The following KLF8 variants were observed in gnomAD, a reference collection of about 807,000 sequenced individuals.
KLF8 encodes Krueppel-like factor 8.
KLF8 carries 10 observed loss-of-function variants against 18.2 expected under a neutral mutation model. The ratio of observed to expected loss-of-function variants is 0.55; its 90% CI spans 0.34 to 0.93. The LOEUF is 0.93. Ranked by LOEUF, KLF8 falls within the 40% of genes least tolerant of loss-of-function variation. The probability of loss-of-function intolerance (pLI) is 0.02; values close to 1 mark genes in which losing one functional copy is unlikely to be tolerated. For missense variants in KLF8, 264 were observed against 277.9 expected, an observed-to-expected ratio of 0.95 and a Z score of 0.36; for synonymous variants, 109 against 97.3, an observed-to-expected ratio of 1.12 and a Z score of -0.71.
At chrX:56,183,637 C>G in the KLF8 span, among the ~76,000 whole-genome samples, 1 of 110,371 alleles carries the variant, frequency 9.1e-6, no homozygotes, top group Non-Finnish European at 1.9e-5. Context: ...ATGGTAACCT[C>G]AAGTAAAAAA....
At chrX:55,959,251 C>G in the KLF8 span, among the ~76,000 whole-genome samples, 5,188 of 111,729 alleles carry the variant, frequency 0.046, 294 homozygotes, top group African/African-American at 0.16. Context: ...GAAGAATATA[C>G]AAATAAAAAG....
At chrX:56,020,080 G>T in the KLF8 span, among the ~76,000 whole-genome samples, 2 of 111,996 alleles carry the variant, frequency 1.8e-5, no homozygotes, top group South Asian at 7.4e-4. Flanking sequence ...ATAAAAGTTA[G>T]GTGGAAGGCA....
chrX:56,153,654 A>T, the KLF8 span, among the ~76,000 whole-genome samples: 3 of 111,357 alleles, frequency 2.7e-5, no homozygotes, highest in East Asian at 2.8e-4. Flanking sequence ...CTGTTTGCAG[A>T]TGACATGATT....
chrX:56,265,223 A>T lies in KLF8; in HGVS notation c.125A>T (p.Tyr42Phe). ...AACAGAGATCCCCCTGAGATAGAAT[A>T]CAGAAGTAATATGACTTCTCCAACA... ...VRNRDPPEIE[Y>F]RSNMTSPTLL... Residue 42 changes from tyrosine (Y) to phenylalanine (F), a missense_variant, in exon 3 of 6, where the codon TAC (tyrosine) becomes TTC (phenylalanine). This residue lies in a region of KLF8 where 221 missense variants were observed against 193.6 expected (regional missense o/e 1.14). Transcript: ENST00000468660. The T allele has an allele frequency of 2.5e-6, 3 of 1,207,834 alleles. No individual in the cohort carries two copies. The highest frequency in any genetic ancestry group is 3.4e-6 in the Non-Finnish European group (3 of 892,471).
At chrX:56,041,667 T>TTTG in the KLF8 span, among the ~76,000 whole-genome samples, 4,706 of 96,413 alleles carry the variant, frequency 0.049, 256 homozygotes, top group African/African-American at 0.18. Context: ...TCTCTCTAGT[T>TTTG]TTGTTGTTGT....
At chrX:55,933,503 A>G in the KLF8 span, among the ~76,000 whole-genome samples, 22 of 112,562 alleles carry the variant, frequency 2.0e-4, no homozygotes, top group African/African-American at 6.4e-4. Flanking sequence ...TTATTAAACA[A>G]CCAGTTTAAG....
chrX:56,087,083 G>A, the KLF8 span, among the ~76,000 whole-genome samples: 15 of 111,293 alleles, frequency 1.3e-4, no homozygotes, highest in African/African-American at 4.9e-4. Flanking sequence ...ATTAAGTAGA[G>A]GCCTCTATTA....
At chrX:56,279,067 C>T (rs530544903) in intron 5 of KLF8, among the ~76,000 whole-genome samples, 1 of 111,958 alleles carries the variant, frequency 8.9e-6, no homozygotes, top group Non-Finnish European at 1.9e-5. Context: ...TGATTCAAGA[C>T]TCTTTCCTAT....
At chrX:55,960,391 C>T in the KLF8 span, among the ~76,000 whole-genome samples, 1 of 111,191 alleles carries the variant, frequency 9.0e-6, no homozygotes, top group Non-Finnish European at 1.9e-5. Context: ...TGGTGCACGC[C>T]TATAATCTCA....
chrX:56,032,781 T>C, the KLF8 span, among the ~76,000 whole-genome samples: 1 of 112,123 alleles, frequency 8.9e-6, no homozygotes, highest in Admixed American at 9.5e-5. Flanking sequence ...AATAAAGCTG[T>C]TTTAAACATT....
the KLF8 span, among the ~76,000 whole-genome samples, chrX:55,944,236 T>G: frequency 6.4e-5 from 7 of 109,045 alleles, no homozygotes; most frequent in East Asian, 2.0e-3. Context: ...GGTTTGCCAG[T>G]ATTTTATTGA....
At chrX:56,056,158 G>C in the KLF8 span, among the ~76,000 whole-genome samples, 5 of 111,554 alleles carry the variant, frequency 4.5e-5, no homozygotes, top group African/African-American at 1.6e-4. Context: ...AGTTGTCAGG[G>C]TTCTTGTGTT....
the KLF8 span, among the ~76,000 whole-genome samples, chrX:56,196,065 A>G: frequency 8.9e-6 from 1 of 111,856 alleles, no homozygotes; most frequent in Non-Finnish European, 1.9e-5. Flanking sequence ...ACTGCCTTCA[A>G]GAGTTCCTAA....
the KLF8 span, among the ~76,000 whole-genome samples, chrX:56,147,370 GC>G: frequency 5.4e-5 from 6 of 111,738 alleles, no homozygotes; most frequent in African/African-American, 1.9e-4. Flanking sequence ...CTTAAAAGGG[GC>G]TTTTAACTCT....
chrX:56,064,477 T>A, the KLF8 span, among the ~76,000 whole-genome samples: 27 of 110,903 alleles, frequency 2.4e-4, no homozygotes, highest in African/African-American at 8.2e-4. Flanking sequence ...TGCCAGTCAA[T>A]ATCTTTTAAG....
At chrX:56,037,322 T>C in the KLF8 span, among the ~76,000 whole-genome samples, 1 of 111,426 alleles carries the variant, frequency 9.0e-6, no homozygotes, top group South Asian at 3.7e-4. Context: ...TTTACTAATA[T>C]TTTGTTCAGG....
chrX:56,270,381 C>CACACGAGAGAGA, intron 5 of KLF8, 60 bp downstream of exon 5: 1 of 779,217 alleles, frequency 1.3e-6, no homozygotes, highest in African/African-American at 5.5e-5. Flanking sequence ...CACACACACA[C>CACACGAGAGAGA]GAGAGAGAGA....
intron 2 of KLF8, among the ~76,000 whole-genome samples, chrX:56,252,035 T>G (rs2066722446): frequency 9.0e-6 from 1 of 111,110 alleles, no homozygotes; most frequent in Admixed American, 9.6e-5. Flanking sequence ...GTTTTTGAGA[T>G]GGAGTCTCTC....
the KLF8 span, among the ~76,000 whole-genome samples, chrX:55,937,391 G>T: frequency 9.0e-6 from 1 of 111,530 alleles, no homozygotes; most frequent in Non-Finnish European, 1.9e-5. Flanking sequence ...CATCATCAAA[G>T]ACCAAAGGTA....
Sources: gnomAD v4.1 joint callset for allele counts (sites outside exome capture counted in the v4.1 genomes callset) on GRCh38, gnomAD v4.1.1 for gene constraint, gnomAD v4.1.1 regional missense constraint, MANE v1.5 for transcripts, NCBI Gene and HGNC (gene_info 2026-07-23, HGNC 2026-07-21) for gene names.